MEGF11: variants seen among roughly 807,000 people sequenced by gnomAD.
The protein encoded by MEGF11 is multiple EGF like domains 11, also known as multiple epidermal growth factor-like domains protein 11.
A neutral mutation model predicts 146.6 loss-of-function variants in MEGF11; 126 were observed. The ratio of observed to expected loss-of-function variants is 0.86; its 90% CI spans 0.74 to 1.00. The LOEUF (loss-of-function observed/expected upper bound fraction) is 1.00, where lower values mean the gene tolerates loss of function less well. Ranked by LOEUF, MEGF11 falls within the 50% of genes least tolerant of loss-of-function variation. The pLI, the probability that MEGF11 is intolerant of heterozygous loss-of-function variation, is 0.00. For synonymous variants in MEGF11, 532 were observed against 583.4 expected, an observed-to-expected ratio of 0.91 and a Z score of 1.27; for missense variants, 1,509 against 1,521.2, an observed-to-expected ratio of 0.99 and a Z score of 0.13.
At chr15:65,979,278 A>C (rs1244471892) in intron 7 of MEGF11, among the ~76,000 whole-genome samples, 1 of 151,854 alleles carries the variant, frequency 6.6e-6, no homozygotes, top group Admixed American at 6.6e-5. Context: ...TTAACCCCCC[A>C]CCACCCCCTT....
chr15:65,943,442 C>G (rs779031100), intron 10 of MEGF11, among the ~76,000 whole-genome samples: 1 of 152,100 alleles, frequency 6.6e-6, no homozygotes, highest in Non-Finnish European at 1.5e-5. Context: ...GCATGTTCTG[C>G]AGGCTGTTTT....
At chr15:66,043,187 C>T (rs576243961) in intron 5 of MEGF11, among the ~76,000 whole-genome samples, 9 of 152,342 alleles carry the variant, frequency 5.9e-5, no homozygotes, top group African/African-American at 1.7e-4. Flanking sequence ...CCCTCTGACT[C>T]CAGCAGGTGC....
At position 65,906,122 on chromosome 15, in the gene MEGF11, T is replaced by C; in HGVS notation, c.3018A>G (p.Arg1006=). The C allele has an allele frequency of 6.2e-7, 1 of 1,610,692 alleles. No homozygotes were observed. Among genetic ancestry groups the C allele is most frequent in the Non-Finnish European group, 8.5e-7 (1 of 1,178,398 alleles). ...PHSPGACGMD[R]RQNTYIMDKG... ...TGTCCATAATGTATGTGTTCTGACG[T>C]CTATCCATTCCACAAGCACCTGTGT... Residue 1006 remains arginine, a synonymous_variant, in exon 24 of 26, where the codon AGA becomes AGG. Transcript: ENST00000395614.
chr15:65,951,686 CAAAA>C (rs1460006744), intron 10 of MEGF11, among the ~76,000 whole-genome samples: 3 of 134,848 alleles, frequency 2.2e-5, no homozygotes, highest in Non-Finnish European at 4.9e-5. Context: ...GAGTCCATCT[CAAAA>C]CAAACAAACA....
intron 5 of MEGF11, among the ~76,000 whole-genome samples, chr15:66,014,644 T>G (rs965773890): frequency 6.6e-6 from 1 of 152,138 alleles, no homozygotes; most frequent in South Asian, 2.1e-4. Context: ...GGGAGGCAAC[T>G]CCAGGGACAA....
intron 24 of MEGF11, among the ~76,000 whole-genome samples, chr15:65,904,960 T>C (rs1161334331): frequency 6.6e-6 from 1 of 152,244 alleles, no homozygotes. Context: ...TGGCACGATC[T>C]GGGTTCACTG....
chr15:65,982,867 C>T lies in MEGF11; in HGVS notation c.395-379G>A, dbSNP rs527407708. Among the ~76,000 whole-genome samples, 8 of 152,226 alleles carry T rather than the reference C, an allele frequency of 5.3e-5. No homozygotes were observed. Among genetic ancestry groups the T allele is most frequent in the African/African-American group, 1.9e-4 (8 of 41,538 alleles). ...CTTGGTTGGCTGCCTGTTTCTGTTC[C>T]TTTCTGCCGGGCCCTTTCTTTTCCC... is the stretch of plus-strand genomic sequence containing the variant. On this transcript the variant is annotated intron_variant, in intron 5 of 25. Coordinates refer to ENST00000395614, the MANE Select transcript of MEGF11 (RefSeq NM_001385028.1). The surrounding 1 kb of genome is among the most constrained non-coding windows in gnomAD (Gnocchi z 5.6).
rs1345880934 is a variant in MEGF11 at position 65,964,958 on chromosome 15, A to T, written c.1062T>A (p.His354Gln). ...CQERLCPEGL[H>Q]GPGCTLPCPC... ...GGCAGGGCAGGGTGCAGCCTGGGCC[A>T]TGCAGGCCCTCCGGGCACAGTCGCT... The change falls in exon 9 of 26, where the codon CAT (histidine) becomes CAA (glutamine). Residue 354 changes from histidine to glutamine, a missense_variant. Coordinates refer to ENST00000395614, the MANE Select transcript of MEGF11 (RefSeq NM_001385028.1). The T allele has an allele frequency of 6.4e-7, 1 of 1,574,594 alleles. No homozygotes were observed. The highest frequency in any genetic ancestry group is 1.2e-5 in the South Asian group (1 of 85,700).
chr15:66,118,075 A>G (rs564397111), intron 4 of MEGF11, among the ~76,000 whole-genome samples: 30 of 152,314 alleles, frequency 2.0e-4, no homozygotes, highest in South Asian at 4.1e-4. Context: ...AATACTAACA[A>G]GGAAAATTGC....
chr15:66,215,955 C>G (rs1053381683), intron 1 of MEGF11, among the ~76,000 whole-genome samples: 1 of 152,132 alleles, frequency 6.6e-6, no homozygotes, highest in Non-Finnish European at 1.5e-5. Flanking sequence ...CTCTCCAACC[C>G]GTCTGAGATG....
intron 1 of MEGF11, among the ~76,000 whole-genome samples, chr15:66,167,228 G>A (rs980967574): frequency 3.3e-5 from 5 of 152,272 alleles, no homozygotes; most frequent in Admixed American, 1.3e-4. Context: ...AGGGCCAGCC[G>A]GGGCAGAAGA....
chr15:66,030,246 A>G (rs1363089600), intron 5 of MEGF11, among the ~76,000 whole-genome samples: 1 of 152,108 alleles, frequency 6.6e-6, no homozygotes, highest in Non-Finnish European at 1.5e-5. Flanking sequence ...TCCAGCCCAT[A>G]CCACATTTCC....
intron 1 of MEGF11, among the ~76,000 whole-genome samples, chr15:66,187,803 T>C (rs1025470368): frequency 5.3e-5 from 8 of 152,226 alleles, no homozygotes; most frequent in Admixed American, 1.3e-4. Context: ...ACGTGCTTCC[T>C]GAGGATCCGC....
At chr15:66,215,931 A>G (rs2091571046) in intron 1 of MEGF11, among the ~76,000 whole-genome samples, 1 of 152,220 alleles carries the variant, frequency 6.6e-6, no homozygotes, top group Admixed American at 6.5e-5. Flanking sequence ...TTTGAAAATC[A>G]TTCTCAACCG....
intron 5 of MEGF11, among the ~76,000 whole-genome samples, chr15:66,044,436 T>G (rs952562771): frequency 6.6e-6 from 1 of 152,158 alleles, no homozygotes; most frequent in Non-Finnish European, 1.5e-5. Context: ...AAAGGGAGAA[T>G]GTACATCTTT....
intron 9 of MEGF11, among the ~76,000 whole-genome samples, chr15:65,961,511 A>G (rs532401961): frequency 6.6e-6 from 1 of 152,300 alleles, no homozygotes; most frequent in East Asian, 1.9e-4. Context: ...TGTGGAGGGG[A>G]CATTTAAGAT....
intron 5 of MEGF11, among the ~76,000 whole-genome samples, chr15:65,984,059 C>T (rs1344300934): frequency 1.3e-5 from 2 of 152,204 alleles, no homozygotes; most frequent in Non-Finnish European, 2.9e-5. Flanking sequence ...CTGGAACTCC[C>T]ATTACCCTAT....
chr15:66,248,961 C>T (rs1430459585), intron 1 of MEGF11, among the ~76,000 whole-genome samples: 2 of 152,152 alleles, frequency 1.3e-5, no homozygotes, highest in East Asian at 1.9e-4. Context: ...AAAATGCTGG[C>T]GTTTAGGAGA....
intron 5 of MEGF11, among the ~76,000 whole-genome samples, chr15:66,026,531 T>A (rs2083336905): frequency 6.6e-6 from 1 of 152,210 alleles, no homozygotes; most frequent in South Asian, 2.1e-4. Context: ...GTCACCAGGC[T>A]GGAGTGCAGT....
Sources: allele counts gnomAD v4.1 joint callset (sites outside exome capture counted in the v4.1 genomes callset), GRCh38; gene constraint gnomAD v4.1.1; non-coding constraint Gnocchi (gnomAD v3.1); transcripts MANE v1.5; gene names NCBI Gene and HGNC (gene_info 2026-07-23, HGNC 2026-07-21).